The following TTC6 variants were observed in gnomAD, a reference collection of about 807,000 sequenced individuals.
TTC6 encodes the protein tetratricopeptide repeat protein 6.
Under a neutral mutation model 210.4 loss-of-function variants are expected in TTC6, and 172 were observed. The observed-to-expected ratio is 0.82, with a 90% CI of 0.72 to 0.93. TTC6 has a LOEUF of 0.93. Among genes scored for constraint, TTC6 ranks in the 40% least tolerant of loss-of-function variants. The pLI is 0.00. For synonymous variants in TTC6, 804 were observed against 819.6 expected (o/e 0.98, Z 0.32); for missense variants, 2,414 against 2,318.1 (o/e 1.04, Z -0.85).
chr14:37,648,093 A>G (rs1444138571), intron 1 of TTC6, among the ~76,000 whole-genome samples: 1 of 152,078 alleles, frequency 6.6e-6, no homozygotes, highest in Non-Finnish European at 1.5e-5. Flanking sequence ...TTCTATTTGC[A>G]TTTTCAAATT....
chr14:37,650,095 C>T (rs1225354628), intron 1 of TTC6, among the ~76,000 whole-genome samples: 1 of 152,236 alleles, frequency 6.6e-6, no homozygotes, highest in Non-Finnish European at 1.5e-5. Context: ...CTGCTATACT[C>T]ATTCCCCTTT....
At chr14:37,732,841 C>T (rs1046662761) in intron 7 of TTC6, among the ~76,000 whole-genome samples, 3 of 150,754 alleles carry the variant, frequency 2.0e-5, no homozygotes, top group African/African-American at 7.3e-5. Context: ...CTCCTGACCT[C>T]GTGATCCGCC....
exon 13 of TTC6, chr14:37,751,155 A>T: frequency 6.5e-7 from 1 of 1,532,752 alleles, no homozygotes; most frequent in Non-Finnish European, 8.7e-7. Context: ...ACAGATGCTG[A>T]TATCTATTTC....
chr14:37,791,169 T>A (rs2096078331), intron 16 of TTC6, among the ~76,000 whole-genome samples: 1 of 152,182 alleles, frequency 6.6e-6, no homozygotes, highest in Non-Finnish European at 1.5e-5. Flanking sequence ...CATGGAAAAC[T>A]GTCATTAAGT....
At chr14:37,595,945 C>G (rs2095603405) in exon 1 of TTC6, 1 of 152,254 alleles carries the variant, frequency 6.6e-6, no homozygotes, top group South Asian at 2.1e-4. Context: ...GTTAGGCCGA[C>G]CCGGGCCCCG....
At chr14:37,725,310 GTGTATATATATATATA>G (rs1327555876) in intron 7 of TTC6, among the ~76,000 whole-genome samples, 36 of 55,716 alleles carry the variant, frequency 6.5e-4, no homozygotes, top group African/African-American at 1.7e-3. Flanking sequence ...GTGTGTGTGT[GTGTATATATATATATA>G]TATATATATA....
chr14:37,697,885 A>C (rs1284100823), intron 4 of TTC6, among the ~76,000 whole-genome samples: 1 of 152,162 alleles, frequency 6.6e-6, no homozygotes, highest in Non-Finnish European at 1.5e-5. Flanking sequence ...TGCATTAAGC[A>C]GAGTAGTATG....
intron 1 of TTC6, among the ~76,000 whole-genome samples, chr14:37,602,066 C>T (rs2095616607): frequency 6.6e-6 from 1 of 152,210 alleles, no homozygotes; most frequent in Admixed American, 6.5e-5. Context: ...CGAGGCTGCG[C>T]ACCCGGCTTA....
At chr14:37,798,285 C>T (rs2096097283) in intron 20 of TTC6, among the ~76,000 whole-genome samples, 1 of 151,768 alleles carries the variant, frequency 6.6e-6, no homozygotes, top group Admixed American at 6.6e-5. Flanking sequence ...GATGTATTGC[C>T]CCATTTATTT....
At chr14:37,759,854 C>G (rs2095978783) in intron 14 of TTC6, among the ~76,000 whole-genome samples, 1 of 152,150 alleles carries the variant, frequency 6.6e-6, no homozygotes, top group African/African-American at 2.4e-5. Context: ...TCCATCAGGT[C>G]ATTTATCTTC....
At chr14:37,673,998 A>G (rs1186931962) in intron 1 of TTC6, among the ~76,000 whole-genome samples, 4 of 152,198 alleles carry the variant, frequency 2.6e-5, no homozygotes, top group Non-Finnish European at 4.4e-5. Context: ...ACTCAGGGAA[A>G]CAAGGTAGAA....
intron 14 of TTC6, among the ~76,000 whole-genome samples, chr14:37,786,675 A>T (rs2096068481): frequency 6.6e-6 from 1 of 152,154 alleles, no homozygotes. Context: ...TGAACCCGGT[A>T]CCTCAGTTGG....
intron 7 of TTC6, among the ~76,000 whole-genome samples, chr14:37,729,415 G>A (rs893818140): frequency 2.0e-5 from 3 of 152,182 alleles, no homozygotes; most frequent in South Asian, 2.1e-4. Flanking sequence ...ATACTTGACT[G>A]GTGGCCTCCA....
intron 5 of TTC6, among the ~76,000 whole-genome samples, chr14:37,710,154 G>T (rs944097546): frequency 6.6e-6 from 1 of 152,120 alleles, no homozygotes; most frequent in African/African-American, 2.4e-5. Flanking sequence ...GCAACATCCT[G>T]TGAAGCCTCT....
chr14:37,641,279 T>C (rs1281899910), intron 1 of TTC6, among the ~76,000 whole-genome samples: 5 of 152,230 alleles, frequency 3.3e-5, no homozygotes, highest in African/African-American at 1.2e-4. Context: ...GTAAACAGCC[T>C]GAAGCTAGGC....
At chr14:37,768,374 C>G (rs1183420320) in intron 14 of TTC6, among the ~76,000 whole-genome samples, 1 of 151,676 alleles carries the variant, frequency 6.6e-6, no homozygotes, top group Non-Finnish European at 1.5e-5. Context: ...GGCATTGAAT[C>G]TATAAATTAC....
intron 29 of TTC6, among the ~76,000 whole-genome samples, chr14:37,832,329 CTTTTTTTTTTTTTT>C (rs58133834): frequency 4.4e-5 from 3 of 68,918 alleles, no homozygotes; most frequent in Non-Finnish European, 8.3e-5. Flanking sequence ...TTCTTTCTCT[CTTTTTTTTTTTTTT>C]TTTTTTTTTT....
intron 29 of TTC6, among the ~76,000 whole-genome samples, chr14:37,833,799 AT>A (rs2096191576): frequency 6.6e-6 from 1 of 151,622 alleles, no homozygotes; most frequent in African/African-American, 2.4e-5. Flanking sequence ...ATTTTAGTGT[AT>A]TTTTTATGAT....
intron 14 of TTC6, among the ~76,000 whole-genome samples, chr14:37,786,710 G>C (rs2096068563): frequency 6.6e-6 from 1 of 152,208 alleles, no homozygotes; most frequent in Non-Finnish European, 1.5e-5. Context: ...CCCGTCTTCT[G>C]CATCGCTCAC....
Sources: allele counts gnomAD v4.1 joint callset (sites outside exome capture counted in the v4.1 genomes callset), GRCh38; gene constraint gnomAD v4.1.1; transcripts MANE v1.5; gene names NCBI Gene and HGNC (gene_info 2026-07-23, HGNC 2026-07-21).